The following MAP4K4 variants were observed in gnomAD, a reference collection of about 807,000 sequenced individuals.
The protein encoded by MAP4K4 is HPK/GCK-like kinase HGK.
MAP4K4 carries 38 observed loss-of-function variants against 189.6 expected under a neutral mutation model. The observed-to-expected ratio is 0.20, with a 90% CI of 0.15 to 0.26. The LOEUF (loss-of-function observed/expected upper bound fraction) is 0.26. MAP4K4 is among the 10% of genes least tolerant of loss of function. MAP4K4 has a pLI of 1.00. For synonymous variants in MAP4K4, 610 were observed against 624.3 expected, an observed-to-expected ratio of 0.98 and a Z score of 0.34; for missense variants, 1,054 against 1,726.9, an observed-to-expected ratio of 0.61 and a Z score of 6.91.
rs1165118659 is a variant in MAP4K4, at chr2:101,824,062, A to G, written c.306+9A>G. The stretch of plus-strand genomic sequence containing the variant: ...ATGATGACCAACTCTGGGTAGGTGG[A>G]TGTTTCCTGAGCATTTGTGGGCATT... On this transcript the variant is annotated intron_variant, in intron 4 of 32. Transcript: ENST00000324219. 1 of 1,287,442 alleles carries G rather than the reference A, an allele frequency of 7.8e-7. No individual in the cohort carries two copies. Among genetic ancestry groups the G allele is most frequent in the Non-Finnish European group, 1.0e-6 (1 of 991,920 alleles). The allele number at this position is 1,287,442 out of a possible 1,614,324, so 79.8% of individuals were successfully genotyped here. A position where few individuals can be genotyped will look rare whatever the true frequency, so the allele number is the denominator to read the frequency against.
At chr2:101,729,115 T>A (rs1308732877) in intron 2 of MAP4K4, among the ~76,000 whole-genome samples, 1 of 151,694 alleles carries the variant, frequency 6.6e-6, no homozygotes, top group African/African-American at 2.4e-5. Context: ...TGTGTGTGTG[T>A]GTGTGTGTGT....
chr2:101,777,805 G>A (rs1048636400), intron 2 of MAP4K4, among the ~76,000 whole-genome samples: 1 of 152,166 alleles, frequency 6.6e-6, no homozygotes, highest in African/African-American at 2.4e-5. Flanking sequence ...ATCTAGACCA[G>A]TGTCTTGTAT....
intron 2 of MAP4K4, among the ~76,000 whole-genome samples, chr2:101,728,439 T>C (rs1274150552): frequency 2.0e-5 from 3 of 152,230 alleles, no homozygotes; most frequent in Admixed American, 1.3e-4. Context: ...CAACATTTTA[T>C]TATGAAAAAT....
intron 3 of MAP4K4, among the ~76,000 whole-genome samples, chr2:101,810,297 G>GT (rs199846684): frequency 2.0e-5 from 3 of 151,324 alleles, no homozygotes; most frequent in South Asian, 2.1e-4. Context: ...ACCCCTGTGG[G>GT]TTTTTTTTAA....
intron 2 of MAP4K4, among the ~76,000 whole-genome samples, chr2:101,714,282 A>G (rs1361393416): frequency 6.6e-6 from 1 of 151,976 alleles, no homozygotes; most frequent in Non-Finnish European, 1.5e-5. Context: ...TGTCCAAGCA[A>G]CCTGTTTAGA....
chr2:101,830,037 T>C (rs538688834), intron 6 of MAP4K4, among the ~76,000 whole-genome samples: 23 of 152,186 alleles, frequency 1.5e-4, no homozygotes, highest in Non-Finnish European at 2.6e-4. Context: ...GGGTCTTGCC[T>C]TTGGGCCTTT....
chr2:101,729,470 TG>T (rs2057425043), intron 2 of MAP4K4, among the ~76,000 whole-genome samples: 1 of 152,246 alleles, frequency 6.6e-6, no homozygotes, highest in African/African-American at 2.4e-5. Context: ...TGGTTTTAAC[TG>T]TATTTTTTAT....
At position 101,892,934 on chromosome 2, in the gene MAP4K4, C is replaced by T. The variant is rs1191489420; in HGVS notation, c.*1685C>T. 1.1e-5 allele frequency: 5 copies of T among 456,406 alleles called. No individual in the cohort carries two copies. In the Admixed American group the frequency reaches 1.2e-4, roughly 11 times the overall value. 28.3% of individuals were successfully genotyped at this position (456,406 alleles called of 1,614,324 possible). A position where few individuals can be genotyped will look rare whatever the true frequency, so the allele number is the denominator to read the frequency against. On this transcript the variant is annotated 3_prime_UTR_variant, in exon 33 of 33. Transcript: ENST00000324219. ...CTTGTCGAGTTCTGAGTGGAAATAA[C>T]TGCATTATGGCTGCTTTAACCTCAG...
chr2:101,869,667 C>T (rs758159304), exon 22 of MAP4K4: 9 of 1,609,356 alleles, frequency 5.6e-6, no homozygotes, highest in East Asian at 2.2e-5. Context: ...GGAAGATGTA[C>T]GGCCACCTCA....
intron 16 of MAP4K4, chr2:101,861,233 C>G: frequency 2.9e-6 from 1 of 343,226 alleles, no homozygotes; most frequent in African/African-American, 2.1e-5. Flanking sequence ...AACTTTTTGC[C>G]TTCCCTAACT....
At chr2:101,760,949 A>G (rs925153473) in intron 2 of MAP4K4, among the ~76,000 whole-genome samples, 5 of 152,064 alleles carry the variant, frequency 3.3e-5, no homozygotes, top group Non-Finnish European at 7.4e-5. Context: ...GTTGCCGTGA[A>G]CTGAGATCGC....
intron 2 of MAP4K4, among the ~76,000 whole-genome samples, chr2:101,706,408 A>G (rs746971087): frequency 6.6e-6 from 1 of 152,204 alleles, no homozygotes; most frequent in Non-Finnish European, 1.5e-5. Context: ...AATACCATTT[A>G]TATGTGAGCT....
exon 33 of MAP4K4, chr2:101,891,280 C>G (rs2098563769): frequency 1.0e-5 from 16 of 1,577,712 alleles, no homozygotes; most frequent in Non-Finnish European, 1.4e-5. Flanking sequence ...TACTGGCCTC[C>G]AGAGTCTTCA....
intron 2 of MAP4K4, among the ~76,000 whole-genome samples, chr2:101,764,952 A>G (rs562717684): frequency 6.6e-6 from 1 of 152,324 alleles, no homozygotes; most frequent in Non-Finnish European, 1.5e-5. Flanking sequence ...AACTAACATT[A>G]TGTAATTCCC....
chr2:101,794,746 C>T (rs753542268), intron 3 of MAP4K4, among the ~76,000 whole-genome samples: 15 of 152,164 alleles, frequency 9.9e-5, no homozygotes, highest in Non-Finnish European at 2.1e-4. Context: ...ATGCACTATA[C>T]GTAGTTATCT....
intron 3 of MAP4K4, among the ~76,000 whole-genome samples, chr2:101,818,826 G>T (rs1467541228): frequency 2.6e-5 from 4 of 152,140 alleles, no homozygotes; most frequent in African/African-American, 7.2e-5. Flanking sequence ...GCTTCCACTG[G>T]TTAAAGTCCA....
At chr2:101,888,531 CA>C (rs1226971676) in intron 31 of MAP4K4, among the ~76,000 whole-genome samples, 2 of 152,140 alleles carry the variant, frequency 1.3e-5, no homozygotes, top group East Asian at 3.9e-4. Flanking sequence ...ACTCTAAACT[CA>C]GTGGGTAATT....
At position 101,892,962 on chromosome 2, in the gene MAP4K4, A is replaced by G. The variant is rs965399615; in HGVS notation, c.*1713A>G. The G allele has an allele frequency of 8.8e-6, 4 of 456,292 alleles. No homozygotes were observed. In the East Asian group the frequency reaches 2.1e-4, roughly 24 times the overall value. 28.3% of individuals were successfully genotyped at this position (456,292 alleles called of 1,614,324 possible). The stretch of plus-strand genomic sequence containing the variant: ...CATTATGGCTGCTTTAACCTCAGTC[A>G]TCAAAAGAAACTTGCTGTTTTTTAG... On this transcript the variant is annotated 3_prime_UTR_variant, in exon 33 of 33. Coordinates refer to ENST00000324219, the Ensembl canonical transcript of MAP4K4.
intron 2 of MAP4K4, among the ~76,000 whole-genome samples, chr2:101,725,312 G>A (rs555589796): frequency 3.3e-5 from 5 of 149,336 alleles, no homozygotes; most frequent in East Asian, 2.0e-4. Context: ...AAGCTATAGC[G>A]ATAGGTGCAC....
Sources: gnomAD v4.1 joint callset for allele counts (sites outside exome capture counted in the v4.1 genomes callset) on GRCh38, gnomAD v4.1.1 for gene constraint, MANE v1.5 for transcripts, NCBI Gene and HGNC (gene_info 2026-07-23, HGNC 2026-07-21) for gene names.